Variants in UTRN observed in about 807,000 individuals in gnomAD.
UTRN encodes the protein dystrophin-related protein 1.
A neutral mutation model predicts 463.9 loss-of-function variants in UTRN; 283 were observed. That is an observed-to-expected ratio of 0.61 (90% CI 0.55 to 0.67). The LOEUF (loss-of-function observed/expected upper bound fraction) is 0.67. UTRN is among the 30% of genes least tolerant of loss of function. The pLI, the probability that UTRN is intolerant of heterozygous loss-of-function variation, is 0.00. For missense variants in UTRN, 3,922 were observed against 4,084.3 expected (o/e 0.96, Z 1.08); for synonymous variants, 1,442 against 1,431.5 (o/e 1.01, Z -0.17).
At chr6:144,732,217 T>TATATATATATATATATATATAC (rs201352526) in intron 54 of UTRN, among the ~76,000 whole-genome samples, 4 of 36,788 alleles carry the variant, frequency 1.1e-4, no homozygotes, top group Non-Finnish European at 1.7e-4. Context: ...CTCTGTTTTA[T>TATATATATATATATATATATAC]ATATATATAT....
intron 2 of UTRN, among the ~76,000 whole-genome samples, chr6:144,323,341 A>C (rs901917983): frequency 2.6e-5 from 4 of 152,192 alleles, no homozygotes; most frequent in Non-Finnish European, 5.9e-5. Context: ...AACATCATTC[A>C]TCTCCATCCC....
chr6:144,347,851 T>G (rs1389953764), intron 2 of UTRN, among the ~76,000 whole-genome samples: 1 of 136,270 alleles, frequency 7.3e-6, no homozygotes, highest in Non-Finnish European at 1.5e-5. Flanking sequence ...TTTTTTTTTG[T>G]TTTTTTTTTT....
intron 51 of UTRN, among the ~76,000 whole-genome samples, chr6:144,650,640 G>T (rs573886961): frequency 1.3e-5 from 2 of 152,294 alleles, no homozygotes; most frequent in African/African-American, 4.8e-5. Flanking sequence ...GCCGGGCGCC[G>T]TGGCTCACGC....
At chr6:144,579,797 A>T (rs1181708906) in intron 51 of UTRN, among the ~76,000 whole-genome samples, 1 of 152,182 alleles carries the variant, frequency 6.6e-6, no homozygotes, top group Non-Finnish European at 1.5e-5. Context: ...AGAAAGTAAT[A>T]AAGAGGACAT....
chr6:144,641,718 A>G (rs904981367), intron 51 of UTRN, among the ~76,000 whole-genome samples: 1 of 152,206 alleles, frequency 6.6e-6, no homozygotes, highest in African/African-American at 2.4e-5. Context: ...GTAGATACCA[A>G]AATGCTACTT....
chr6:144,828,649 GT>G, intron 68 of UTRN, 140 bp from the exon 69 acceptor site: 1 of 807,116 alleles, frequency 1.2e-6, no homozygotes, highest in Non-Finnish European at 2.0e-6. Flanking sequence ...AAACGTTTTA[GT>G]TTTACAGTCG....
rs1359449796 is a variant in UTRN, at chr6:144,548,674, A to T, written c.6630A>T (p.Ser2210=). The T allele has an allele frequency of 6.2e-7, 1 of 1,614,040 alleles. No homozygotes were observed. The highest frequency in any genetic ancestry group is 8.5e-7 in the Non-Finnish European group (1 of 1,179,944). The stretch of plus-strand genomic sequence containing the variant: ...ATGTCCAAAAGGTGGTGCTAGTATC[A>T]TCTGCGTCAGATATTCCTGTTCAGT... ...HPNVQKVVLV[S]SASDIPVQSH... Residue 2210 remains serine, a synonymous_variant, in exon 47 of 75, where the codon TCA becomes TCT. Transcript: ENST00000367545.
At chr6:144,438,452 T>C (rs1212543299) in intron 11 of UTRN, among the ~76,000 whole-genome samples, 1 of 152,242 alleles carries the variant, frequency 6.6e-6, no homozygotes, top group Non-Finnish European at 1.5e-5. Context: ...GCAAACTGCA[T>C]TCATTGCCAC....
chr6:144,641,512 A>G (rs1777761728), intron 51 of UTRN, among the ~76,000 whole-genome samples: 1 of 152,134 alleles, frequency 6.6e-6, no homozygotes, highest in Non-Finnish European at 1.5e-5. Context: ...GTAATGAGGC[A>G]TGTTGACCCC....
At chr6:144,376,302 A>T (rs1016567095) in intron 2 of UTRN, among the ~76,000 whole-genome samples, 3 of 152,078 alleles carry the variant, frequency 2.0e-5, no homozygotes, top group Non-Finnish European at 4.4e-5. Context: ...TAAAAATATA[A>T]CAATTAGCTG....
chr6:144,692,610 T>C (rs1292105361), intron 52 of UTRN, among the ~76,000 whole-genome samples: 2 of 152,184 alleles, frequency 1.3e-5, no homozygotes, highest in East Asian at 1.9e-4. Context: ...TGGTATCTCA[T>C]TGTGGTTTTG....
intron 14 of UTRN, among the ~76,000 whole-genome samples, chr6:144,446,625 A>G (rs1032384242): frequency 6.6e-6 from 1 of 152,216 alleles, no homozygotes; most frequent in East Asian, 1.9e-4. Context: ...TTGTTGTCCA[A>G]TGAAGTTGAA....
chr6:144,470,515 AGG>A (rs1276421045), intron 23 of UTRN, among the ~76,000 whole-genome samples: 1 of 148,666 alleles, frequency 6.7e-6, no homozygotes, highest in East Asian at 2.0e-4. Flanking sequence ...ATGGGCGGCC[AGG>A]CAGAGATGCT....
intron 2 of UTRN, among the ~76,000 whole-genome samples, chr6:144,384,531 T>C (rs901774474): frequency 6.6e-6 from 1 of 152,144 alleles, no homozygotes; most frequent in Non-Finnish European, 1.5e-5. Context: ...GGTTCCTTTT[T>C]GGTGCCAAAA....
intron 51 of UTRN, among the ~76,000 whole-genome samples, chr6:144,648,860 A>G (rs746092071): frequency 2.0e-5 from 3 of 152,220 alleles, no homozygotes; most frequent in Non-Finnish European, 2.9e-5. Flanking sequence ...ATATCAAATA[A>G]AAAGTATTTA....
chr6:144,664,202 G>A (rs1337787683), intron 51 of UTRN, among the ~76,000 whole-genome samples: 5 of 152,220 alleles, frequency 3.3e-5, no homozygotes, highest in Non-Finnish European at 7.3e-5. Flanking sequence ...CAATGTGTGT[G>A]CATGTGTGTG....
intron 3 of UTRN, among the ~76,000 whole-genome samples, chr6:144,413,202 T>G (rs569538778): frequency 6.6e-6 from 1 of 152,226 alleles, no homozygotes; most frequent in Non-Finnish European, 1.5e-5. Context: ...GGACCACATA[T>G]ATGATCGTGG....
At chr6:144,397,102 G>T (rs997163853) in intron 2 of UTRN, among the ~76,000 whole-genome samples, 1 of 152,112 alleles carries the variant, frequency 6.6e-6, no homozygotes, top group African/African-American at 2.4e-5. Flanking sequence ...AAATTAGCCA[G>T]GCTTGGTGGC....
intron 28 of UTRN, 93 bp downstream of exon 28, chr6:144,485,612 T>C (rs1040581734): frequency 6.5e-7 from 1 of 1,534,670 alleles, no homozygotes. Context: ...CGCAGGCAAA[T>C]GCATTTGCTT....
Sources: gnomAD v4.1 joint callset for allele counts (sites outside exome capture counted in the v4.1 genomes callset) on GRCh38, gnomAD v4.1.1 for gene constraint, MANE v1.5 for transcripts, NCBI Gene and HGNC (gene_info 2026-07-23, HGNC 2026-07-21) for gene names.